Variants in PLCZ1 observed in about 807,000 individuals in gnomAD.
PLCZ1 encodes the protein phospholipase C zeta 1, also known as 1-phosphatidylinositol 4,5-bisphosphate phosphodiesterase zeta-1.
PLCZ1 carries 64 observed loss-of-function variants against 76.8 expected under a neutral mutation model. That is an observed-to-expected ratio of 0.83 (90% CI 0.68 to 1.03). The LOEUF (loss-of-function observed/expected upper bound fraction) is 1.03, where lower values mean the gene tolerates loss of function less well. Among genes scored for constraint, PLCZ1 ranks in the 50% least tolerant of loss-of-function variants. The pLI is 0.00. For synonymous variants in PLCZ1, 248 were observed against 230.8 expected (o/e 1.07, Z -0.68); for missense variants, 751 against 713.7 (o/e 1.05, Z -0.60).
intron 12 of PLCZ1, chr12:18,693,716 A>G: frequency 1.9e-6 from 3 of 1,554,598 alleles, no homozygotes; most frequent in Admixed American, 3.3e-5. Context: ...GGAACTGCTG[A>G]ACCAGTTGGA....
the PLCZ1 span, among the ~76,000 whole-genome samples, chr12:18,655,823 T>C: frequency 6.6e-4 from 36 of 54,188 alleles, no homozygotes; most frequent in East Asian, 0.01. Context: ...CTAGTACTCC[T>C]GAAACTGTCA....
At chr12:18,712,758 G>A (rs1437091771) in intron 6 of PLCZ1, 84 bp downstream of exon 6, 2 of 1,491,480 alleles carry the variant, frequency 1.3e-6, no homozygotes, top group Admixed American at 3.4e-5. Flanking sequence ...CTAAAGTAAG[G>A]CTAAGCATTA....
intron 6 of PLCZ1, among the ~76,000 whole-genome samples, chr12:18,710,800 C>T (rs1957209664): frequency 6.6e-6 from 1 of 152,036 alleles, no homozygotes; most frequent in Admixed American, 6.6e-5. Flanking sequence ...TCATCACTGG[C>T]CGTCAGAGAA....
chr12:18,706,225 C>T (rs1193664876), intron 6 of PLCZ1, among the ~76,000 whole-genome samples: 2 of 150,086 alleles, frequency 1.3e-5, no homozygotes, highest in African/African-American at 4.9e-5. Context: ...GAATGAGACT[C>T]TGTCTCAAAA....
At chr12:18,661,877 A>G in the PLCZ1 span, among the ~76,000 whole-genome samples, 4 of 152,136 alleles carry the variant, frequency 2.6e-5, no homozygotes, top group African/African-American at 9.7e-5. Flanking sequence ...GTGCCCATCA[A>G]CAGTAGTACT....
chr12:18,716,936 G>A (rs1241113872), intron 5 of PLCZ1, among the ~76,000 whole-genome samples: 1 of 152,008 alleles, frequency 6.6e-6, no homozygotes, highest in Non-Finnish European at 1.5e-5. Context: ...TGAGGAAATC[G>A]AGATACACAA....
At chr12:18,650,748 A>ATC in the PLCZ1 span, among the ~76,000 whole-genome samples, 1 of 78,536 alleles carries the variant, frequency 1.3e-5, no homozygotes, top group Non-Finnish European at 2.3e-5. Flanking sequence ...ATATATATAT[A>ATC]TATATATATA....
At chr12:18,659,327 A>T in the PLCZ1 span, among the ~76,000 whole-genome samples, 439 of 152,250 alleles carry the variant, frequency 2.9e-3, 4 homozygotes, top group African/African-American at 1.0e-2. Flanking sequence ...TAGTCAGACA[A>T]AATAAGCTGC....
At chr12:18,694,050 A>G (rs11044251) in intron 12 of PLCZ1, 189,733 of 1,367,344 alleles carry the variant, frequency 0.14, 14,492 homozygotes, top group African/African-American at 0.2. Flanking sequence ...TCTAAAGAAA[A>G]TGTTCTTTAT....
Position 18,701,689 on chromosome 12 carries a change from T to G in PLCZ1, c.949+3A>C. 1.4e-5 allele frequency: 22 copies of G among 1,610,370 alleles called. No individual in the cohort carries two copies. The highest frequency in any genetic ancestry group is 1.9e-5 in the Non-Finnish European group (22 of 1,178,078). On this transcript the variant is annotated splice_donor_region_variant and intron_variant, in intron 8 of 14. Transcript: ENST00000266505. ...ACTTCTTCTTCCCATTCCTCCACCT[T>G]ACCACGCTTATCAGAACCTTTTCTT...
intron 12 of PLCZ1, among the ~76,000 whole-genome samples, chr12:18,689,909 C>A (rs1953800055): frequency 6.6e-6 from 1 of 152,038 alleles, no homozygotes; most frequent in African/African-American, 2.4e-5. Flanking sequence ...CACAAAGCTC[C>A]CTAGAGTGAT....
intron 5 of PLCZ1, among the ~76,000 whole-genome samples, chr12:18,716,044 C>T (rs1957948971): frequency 1.3e-5 from 2 of 152,056 alleles, no homozygotes; most frequent in Non-Finnish European, 2.9e-5. Context: ...TATTTCTTGG[C>T]TTACGGATTT....
the PLCZ1 span, among the ~76,000 whole-genome samples, chr12:18,650,756 A>G: frequency 0.041 from 4,239 of 103,476 alleles, 367 homozygotes; most frequent in Admixed American, 0.16. Flanking sequence ...ATATATATAT[A>G]TATATATATT....
At chr12:18,657,814 T>C in the PLCZ1 span, among the ~76,000 whole-genome samples, 4 of 151,864 alleles carry the variant, frequency 2.6e-5, no homozygotes, top group East Asian at 7.7e-4. Context: ...GTATGGCCCA[T>C]ACACAGAAAA....
chr12:18,693,522 G>A lies in PLCZ1; in HGVS notation c.1461+1388C>T, dbSNP rs555749853. On this transcript the variant is annotated intron_variant, in intron 12 of 14. Transcript: ENST00000266505. Reference sequence around the variant, plus strand: ...AACCAAACCTCAGCCACTTTCTTGAGAGTGGTTGGCTCTGAACTTATTCAG... The same window carrying A: ...AACCAAACCTCAGCCACTTTCTTGAAAGTGGTTGGCTCTGAACTTATTCAG... 38 of 1,611,822 alleles carry A rather than the reference G, an allele frequency of 2.4e-5. No individual in the cohort carries two copies. In the South Asian group the frequency reaches 3.7e-4, roughly 16 times the overall value.
At position 18,699,967 on chromosome 12, in the gene PLCZ1, G is replaced by GT; in HGVS notation, c.1018-18dup. ...CTTCCTGGTCTAAAAATAAAATGCA[G>GT]TAATTTTACATTTTTATGCTAATCA... is the stretch of plus-strand genomic sequence containing the variant. On this transcript the variant is annotated splice_polypyrimidine_tract_variant and intron_variant, in intron 9 of 14. Coordinates refer to ENST00000266505, the MANE Select transcript of PLCZ1 (RefSeq NM_033123.4). 6.2e-7 allele frequency: 1 copy of GT among 1,600,184 alleles called. No individual in the cohort carries two copies.
At chr12:18,672,168 T>A in the PLCZ1 span, among the ~76,000 whole-genome samples, 7 of 152,314 alleles carry the variant, frequency 4.6e-5, no homozygotes, top group African/African-American at 1.7e-4. Context: ...TATGGCTTTA[T>A]AGTTTCTGAC....
the PLCZ1 span, among the ~76,000 whole-genome samples, chr12:18,651,569 C>G: frequency 6.6e-6 from 1 of 152,122 alleles, no homozygotes; most frequent in Non-Finnish European, 1.5e-5. Context: ...GGTGTCCTCA[C>G]CATAAAGAAC....
intron 3 of PLCZ1, among the ~76,000 whole-genome samples, chr12:18,724,657 C>T (rs1474353899): frequency 3.3e-5 from 5 of 151,954 alleles, no homozygotes; most frequent in Admixed American, 3.3e-4. Context: ...TTGTTCATTA[C>T]CTTACTTAAA....
Sources: allele counts gnomAD v4.1 joint callset (sites outside exome capture counted in the v4.1 genomes callset), GRCh38; gene constraint gnomAD v4.1.1; transcripts MANE v1.5; gene names NCBI Gene and HGNC (gene_info 2026-07-23, HGNC 2026-07-21).